Variants in CUL4A observed in about 807,000 individuals in gnomAD.
The protein encoded by CUL4A is cullin-4A.
CUL4A carries 16 observed loss-of-function variants against 95.5 expected under a neutral mutation model. The observed-to-expected ratio is 0.17, with a 90% CI of 0.11 to 0.25. The LOEUF (loss-of-function observed/expected upper bound fraction) is 0.25, where lower values mean the gene tolerates loss of function less well. Among genes scored for constraint, CUL4A ranks in the 10% least tolerant of loss-of-function variants. The pLI, the probability that CUL4A is intolerant of heterozygous loss-of-function variation, is 1.00. For synonymous variants in CUL4A, 380 were observed against 353.1 expected, an observed-to-expected ratio of 1.08 and a Z score of -0.85; for missense variants, 610 against 937.0, an observed-to-expected ratio of 0.65 and a Z score of 4.56.
At chr13:113,228,937 G>A (rs1389605111) in intron 4 of CUL4A, among the ~76,000 whole-genome samples, 6 of 151,654 alleles carry the variant, frequency 4.0e-5, no homozygotes, top group Non-Finnish European at 7.4e-5. Context: ...TGGCTAACAC[G>A]GTGAAACCAC....
chr13:113,232,547 TGAAGC>T (rs1393487659), intron 5 of CUL4A, among the ~76,000 whole-genome samples: 1 of 152,170 alleles, frequency 6.6e-6, no homozygotes, highest in Non-Finnish European at 1.5e-5. Flanking sequence ...GTAGGAGTGT[TGAAGC>T]AAAGCACAGA....
chr13:113,260,559 A>G, intron 18 of CUL4A, 48 bp from the exon 19 acceptor site: 1 of 1,544,226 alleles, frequency 6.5e-7, no homozygotes. Flanking sequence ...CAAAAAATAA[A>G]AAGAAAATAC....
intron 3 of CUL4A, among the ~76,000 whole-genome samples, chr13:113,227,307 A>G (rs1291764188): frequency 2.0e-5 from 3 of 152,118 alleles, no homozygotes; most frequent in African/African-American, 7.2e-5. Flanking sequence ...GGCAGATTGC[A>G]TGTCTGGTGG....
At chr13:113,245,837 T>G in intron 14 of CUL4A, 119 bp from the exon 15 acceptor site, 2 of 771,752 alleles carry the variant, frequency 2.6e-6, no homozygotes, top group Non-Finnish European at 4.1e-6. Flanking sequence ...TTCTGGGGAC[T>G]GAGATAAATT....
chr13:113,261,150 C>T lies in CUL4A; in HGVS notation c.2184+391C>T, dbSNP rs75542394. ...ACAGCCTACACCGCGTTTTCCACCA[C>T]GGTAATAGTCTACTGTTGCTGTTGC... On this transcript the variant is annotated intron_variant, in intron 19 of 19. Coordinates refer to ENST00000375440, the MANE Select transcript of CUL4A (RefSeq NM_001008895.4). 6.2e-3 allele frequency among the ~76,000 whole-genome samples: 942 copies of T among 152,298 alleles called. 10 individuals are homozygous for T. The highest frequency in any genetic ancestry group is 0.021 in the African/African-American group (852 of 41,554).
chr13:113,222,757 C>T (rs900325568), intron 3 of CUL4A, among the ~76,000 whole-genome samples: 5 of 152,276 alleles, frequency 3.3e-5, no homozygotes, highest in Admixed American at 6.5e-5. Flanking sequence ...GACAATTAGC[C>T]GGGTGTGTGG....
chr13:113,240,562 T>C (rs2041678249), intron 10 of CUL4A, among the ~76,000 whole-genome samples: 1 of 151,748 alleles, frequency 6.6e-6, no homozygotes, highest in African/African-American at 2.4e-5. Flanking sequence ...AATCCCATAA[T>C]GAAAAGATAA....
intron 2 of CUL4A, among the ~76,000 whole-genome samples, chr13:113,211,075 G>T (rs913549697): frequency 6.6e-6 from 1 of 152,166 alleles, no homozygotes; most frequent in Non-Finnish European, 1.5e-5. Context: ...TTGGTAGAAT[G>T]GTAGAATATT....
rs2042163646 is a variant in CUL4A, at chr13:113,257,648, C to G, written c.2031+2523C>G. On this transcript the variant is annotated intron_variant, in intron 18 of 19. Transcript: ENST00000375440. ...GCCATTCATGAGGGACCTGCCCCCACCCACCCGGTCCCATCTCCAACACTG... is the reference window on the plus strand; with the variant it reads ...GCCATTCATGAGGGACCTGCCCCCAGCCACCCGGTCCCATCTCCAACACTG... 3.3e-5 allele frequency among the ~76,000 whole-genome samples: 5 copies of G among 152,036 alleles called. No individual in the cohort carries two copies. In the South Asian group the frequency reaches 1.0e-3, roughly 31 times the overall value.
At position 113,210,019 on chromosome 13, in the gene CUL4A, G is replaced by A; in HGVS notation, c.195G>A (p.Lys65=). The A allele has an allele frequency of 6.6e-7, 1 of 1,525,510 alleles. No homozygotes were observed. The highest frequency in any genetic ancestry group is 2.7e-5 in the East Asian group (1 of 37,030). The allele number at this position is 1,525,510 out of a possible 1,614,324, so 94.5% of individuals were successfully genotyped here. A position where few individuals can be genotyped will look rare whatever the true frequency, so the allele number is the denominator to read the frequency against. Residue 65 remains lysine, a synonymous_variant, in exon 2 of 20, where the codon AAG becomes AAA. Coordinates refer to ENST00000375440, the MANE Select transcript of CUL4A (RefSeq NM_001008895.4). ...ACTACACGCAGGACACGTGGCGGAA[G>A]CTGCACGAGGCGGTGCGGGCCGTGC... ...PDNYTQDTWR[K]LHEAVRAVQS... is the part of the protein sequence containing the mutation.
chr13:113,245,784 G>A (rs553822428), intron 14 of CUL4A, among the ~76,000 whole-genome samples, 172 bp from the exon 15 acceptor site: 112 of 152,300 alleles, frequency 7.4e-4, no homozygotes, highest in African/African-American at 2.5e-3. Flanking sequence ...CTGAAGAAGG[G>A]AAAAAGGCAG....
chr13:113,208,627 T>G (rs777852240), upstream of CUL4A: 10 of 1,607,586 alleles, frequency 6.2e-6, no homozygotes, highest in East Asian at 1.1e-4. Flanking sequence ...AATGGTAATG[T>G]GCGCCATGGG....
intron 18 of CUL4A, among the ~76,000 whole-genome samples, chr13:113,259,866 A>G (rs1323890761): frequency 6.6e-6 from 1 of 152,176 alleles, no homozygotes; most frequent in African/African-American, 2.4e-5. Flanking sequence ...GTAAACATGC[A>G]TAATAAAGTA....
chr13:113,213,209 G>A (rs1181806187), intron 2 of CUL4A, among the ~76,000 whole-genome samples: 1 of 152,062 alleles, frequency 6.6e-6, no homozygotes, highest in Non-Finnish European at 1.5e-5. Context: ...GCAACATGGT[G>A]AAACCCCATC....
At chr13:113,234,729 A>G (rs1194156471) in intron 7 of CUL4A, among the ~76,000 whole-genome samples, 7 of 152,162 alleles carry the variant, frequency 4.6e-5, no homozygotes, top group African/African-American at 1.4e-4. Context: ...TTAGCACCTC[A>G]TCCTCCTACC....
At chr13:113,217,213 C>T (rs1567014364) in intron 2 of CUL4A, among the ~76,000 whole-genome samples, 1 of 152,128 alleles carries the variant, frequency 6.6e-6, no homozygotes, top group East Asian at 1.9e-4. Context: ...GTGGGATTCA[C>T]TAATGTTTAA....
intron 3 of CUL4A, among the ~76,000 whole-genome samples, chr13:113,221,160 A>T (rs550736278): frequency 6.6e-6 from 1 of 152,202 alleles, no homozygotes; most frequent in Non-Finnish European, 1.5e-5. Flanking sequence ...AGCAGCGGGC[A>T]CAACTAGAAC....
chr13:113,247,420 C>T (rs1001426335), intron 15 of CUL4A, among the ~76,000 whole-genome samples: 4 of 152,170 alleles, frequency 2.6e-5, no homozygotes, highest in Admixed American at 2.6e-4. Context: ...GGGCAGGACA[C>T]CTCTGGAACA....
At chr13:113,235,987 G>T (rs9549707) in intron 8 of CUL4A, among the ~76,000 whole-genome samples, 1 of 147,436 alleles carries the variant, frequency 6.8e-6, no homozygotes, top group Admixed American at 6.8e-5. Context: ...AAAAAAAAAA[G>T]AAAATGATAC....
Sources: allele counts gnomAD v4.1 joint callset (sites outside exome capture counted in the v4.1 genomes callset), GRCh38; gene constraint gnomAD v4.1.1; transcripts MANE v1.5; gene names NCBI Gene and HGNC (gene_info 2026-07-23, HGNC 2026-07-21).